The following KCNIP1 variants were observed in gnomAD, a reference collection of about 807,000 sequenced individuals.
The protein encoded by KCNIP1 is A-type potassium channel modulatory protein KCNIP1.
A neutral mutation model predicts 33.0 loss-of-function variants in KCNIP1; 18 were observed. The observed-to-expected ratio is 0.55, with a 90% CI of 0.38 to 0.81. The LOEUF (loss-of-function observed/expected upper bound fraction) is 0.81, where lower values mean the gene tolerates loss of function less well. Ranked by LOEUF, KCNIP1 falls within the 30% of genes least tolerant of loss-of-function variation. KCNIP1 has a pLI of 0.00. For synonymous variants in KCNIP1, 93 were observed against 98.3 expected (o/e 0.95, Z 0.32); for missense variants, 238 against 271.6 (o/e 0.88, Z 0.87).
At chr5:170,579,354 A>C (rs1297786348) in intron 1 of KCNIP1, among the ~76,000 whole-genome samples, 4 of 152,176 alleles carry the variant, frequency 2.6e-5, no homozygotes, top group Non-Finnish European at 5.9e-5. Flanking sequence ...CATTTTAAAA[A>C]AATCACCCCA....
chr5:170,702,024 C>T (rs1027428116), intron 1 of KCNIP1, among the ~76,000 whole-genome samples: 6 of 152,278 alleles, frequency 3.9e-5, no homozygotes, highest in Non-Finnish European at 8.8e-5. Context: ...TTCATGTAAC[C>T]AAACACCAGC....
intron 1 of KCNIP1, among the ~76,000 whole-genome samples, chr5:170,587,527 T>C (rs1020606777): frequency 1.2e-4 from 18 of 151,946 alleles, no homozygotes; most frequent in Non-Finnish European, 2.4e-4. Context: ...CAAGGTGTTG[T>C]AGTGCTGTGT....
chr5:170,692,346 G>A (rs577144376), intron 1 of KCNIP1, among the ~76,000 whole-genome samples: 2 of 152,288 alleles, frequency 1.3e-5, no homozygotes, highest in South Asian at 4.1e-4. Context: ...TTCAGGCAAA[G>A]CGGGGAGTTT....
At chr5:170,364,418 T>C (rs942218050) in intron 1 of KCNIP1, among the ~76,000 whole-genome samples, 5 of 152,254 alleles carry the variant, frequency 3.3e-5, no homozygotes, top group Admixed American at 2.6e-4. Context: ...TTTTTATCCA[T>C]TGATGGACCA....
chr5:170,431,797 T>C (rs10037860), intron 1 of KCNIP1, among the ~76,000 whole-genome samples: 71,193 of 152,140 alleles, frequency 0.47, 17,349 homozygotes, highest in African/African-American at 0.61. Context: ...GCAGGACCCA[T>C]GAGCTCAGCA....
At chr5:170,588,490 G>A (rs368367877) in intron 1 of KCNIP1, among the ~76,000 whole-genome samples, 1 of 152,214 alleles carries the variant, frequency 6.6e-6, no homozygotes, top group Non-Finnish European at 1.5e-5. Flanking sequence ...GCAGCAGCTT[G>A]TAGTTGTGTG....
chr5:170,639,838 C>T (rs1052221328), intron 1 of KCNIP1, among the ~76,000 whole-genome samples: 2 of 152,206 alleles, frequency 1.3e-5, no homozygotes, highest in Non-Finnish European at 2.9e-5. Flanking sequence ...ATGATCAACT[C>T]CCTCCCCCTG....
intron 1 of KCNIP1, among the ~76,000 whole-genome samples, chr5:170,554,433 C>T (rs1756768731): frequency 6.6e-6 from 1 of 152,296 alleles, no homozygotes; most frequent in South Asian, 2.1e-4. Context: ...CCAGGCTCAG[C>T]CATTCTGTAG....
intron 1 of KCNIP1, among the ~76,000 whole-genome samples, chr5:170,656,832 T>G (rs113374640): frequency 6.6e-6 from 1 of 152,072 alleles, no homozygotes; most frequent in African/African-American, 2.4e-5. Context: ...ACAGCGCACA[T>G]GGGAGGGAGC....
intron 1 of KCNIP1, among the ~76,000 whole-genome samples, chr5:170,638,476 A>G (rs1200670246): frequency 6.6e-6 from 1 of 152,160 alleles, no homozygotes; most frequent in Non-Finnish European, 1.5e-5. Flanking sequence ...AATGCATACA[A>G]TTTGACCCCA....
intron 1 of KCNIP1, among the ~76,000 whole-genome samples, chr5:170,656,074 G>T (rs940635340): frequency 1.3e-5 from 2 of 152,142 alleles, no homozygotes; most frequent in Non-Finnish European, 2.9e-5. Flanking sequence ...CCTGCCTTCC[G>T]CAAGCAGCGA....
At chr5:170,689,124 C>T (rs1762636688) in intron 1 of KCNIP1, among the ~76,000 whole-genome samples, 1 of 152,180 alleles carries the variant, frequency 6.6e-6, no homozygotes, top group Non-Finnish European at 1.5e-5. Flanking sequence ...AGAATTAACA[C>T]AGGAGAGCCA....
chr5:170,368,792 C>T (rs1561587615), intron 1 of KCNIP1, among the ~76,000 whole-genome samples: 2 of 152,224 alleles, frequency 1.3e-5, no homozygotes, highest in Admixed American at 6.5e-5. Context: ...CCTAACCCCA[C>T]AGTCTCAGAC....
chr5:170,571,807 A>AC (rs1757420279), intron 1 of KCNIP1, among the ~76,000 whole-genome samples: 1 of 152,186 alleles, frequency 6.6e-6, no homozygotes, highest in Non-Finnish European at 1.5e-5. Context: ...TGTGGGCCAG[A>AC]CAAAGCATGC....
At chr5:170,633,815 T>G (rs1311439544) in intron 1 of KCNIP1, among the ~76,000 whole-genome samples, 1 of 150,324 alleles carries the variant, frequency 6.7e-6, no homozygotes, top group East Asian at 2.0e-4. Flanking sequence ...GGTTGTGGCT[T>G]TTATGCTGCA....
intron 1 of KCNIP1, among the ~76,000 whole-genome samples, chr5:170,716,362 T>A (rs7733559): frequency 0.77 from 116,467 of 152,186 alleles, 44,704 homozygotes; most frequent in East Asian, 0.88. Flanking sequence ...GGGTTGTGAT[T>A]TAAATTACAA....
chr5:170,667,643 G>C (rs897970710), intron 1 of KCNIP1, among the ~76,000 whole-genome samples: 8 of 152,178 alleles, frequency 5.3e-5, no homozygotes, highest in African/African-American at 1.9e-4. Flanking sequence ...GGCTGCTCAG[G>C]TTCAATGCCC....
chr5:170,690,693 C>G (rs991485907), intron 1 of KCNIP1, among the ~76,000 whole-genome samples: 1 of 152,242 alleles, frequency 6.6e-6, no homozygotes, highest in African/African-American at 2.4e-5. Context: ...TCAACCCCAG[C>G]CCTCAGGCAC....
intron 1 of KCNIP1, among the ~76,000 whole-genome samples, chr5:170,566,309 T>C (rs1255022570): frequency 6.6e-6 from 1 of 152,074 alleles, no homozygotes; most frequent in African/African-American, 2.4e-5. Flanking sequence ...GCTAGGCTGG[T>C]CTTGAGCTCC....
Sources: gnomAD v4.1 joint callset for allele counts (sites outside exome capture counted in the v4.1 genomes callset) on GRCh38, gnomAD v4.1.1 for gene constraint, MANE v1.5 for transcripts, NCBI Gene and HGNC (gene_info 2026-07-23, HGNC 2026-07-21) for gene names.